The following CALN1 variants were observed in gnomAD, a reference collection of about 807,000 sequenced individuals.
CALN1 encodes calneuron 1, also known as calcium-binding protein 8.
CALN1 carries 17 observed loss-of-function variants against 30.6 expected under a neutral mutation model. The observed-to-expected ratio is 0.56, with a 90% CI of 0.38 to 0.83. CALN1 has a LOEUF of 0.83. Ranked by LOEUF, CALN1 falls within the 40% of genes least tolerant of loss-of-function variation. CALN1 has a pLI of 0.00. For missense variants in CALN1, 291 were observed against 354.9 expected, an observed-to-expected ratio of 0.82 and a Z score of 1.45; for synonymous variants, 156 against 131.4, an observed-to-expected ratio of 1.19 and a Z score of -1.28.
At chr7:72,188,030 T>C (rs1336915440) in intron 3 of CALN1, among the ~76,000 whole-genome samples, 1 of 152,164 alleles carries the variant, frequency 6.6e-6, no homozygotes, top group African/African-American at 2.4e-5. Context: ...GGTGGGAATG[T>C]AAACTAGGAC....
At chr7:72,269,931 T>C (rs570010139) in intron 3 of CALN1, among the ~76,000 whole-genome samples, 2 of 152,112 alleles carry the variant, frequency 1.3e-5, no homozygotes, top group Non-Finnish European at 2.9e-5. Context: ...GAAAAGTATA[T>C]TCAGAGAATT....
chr7:72,397,714 TCA>T (rs3138810), intron 2 of CALN1, among the ~76,000 whole-genome samples: 34,697 of 142,702 alleles, frequency 0.24, 4,566 homozygotes, highest in Middle Eastern at 0.36. Context: ...CCATTCTCTC[TCA>T]CACACACACA....
chr7:72,367,938 C>G (rs1803971642), intron 2 of CALN1, among the ~76,000 whole-genome samples: 2 of 151,982 alleles, frequency 1.3e-5, no homozygotes, highest in African/African-American at 4.8e-5. Context: ...TTGAGACCAT[C>G]CTGGCTAGCA....
At chr7:72,202,346 T>C (rs1280475958) in intron 3 of CALN1, among the ~76,000 whole-genome samples, 1 of 152,072 alleles carries the variant, frequency 6.6e-6, no homozygotes. Context: ...AATATAAATA[T>C]AATAAATTTT....
At chr7:71,824,765 A>G (rs904699818) in intron 5 of CALN1, among the ~76,000 whole-genome samples, 5 of 152,094 alleles carry the variant, frequency 3.3e-5, no homozygotes, top group African/African-American at 1.2e-4. Flanking sequence ...TGCAAAAGGC[A>G]TTTTCCTGCC....
chr7:72,281,306 A>C (rs1797722500), intron 2 of CALN1, among the ~76,000 whole-genome samples: 1 of 152,172 alleles, frequency 6.6e-6, no homozygotes, highest in African/African-American at 2.4e-5. Context: ...TATAAGAAAC[A>C]AATCTTGGCT....
intron 2 of CALN1, among the ~76,000 whole-genome samples, chr7:72,400,453 G>A (rs969036140): frequency 1.3e-5 from 2 of 152,182 alleles, no homozygotes; most frequent in South Asian, 2.1e-4. Flanking sequence ...CCTTGATGAT[G>A]AGCTAAATTT....
At chr7:71,980,783 T>C (rs1268150370) in intron 5 of CALN1, among the ~76,000 whole-genome samples, 2 of 151,706 alleles carry the variant, frequency 1.3e-5, no homozygotes, top group Non-Finnish European at 2.9e-5. Context: ...CCTGCTGACT[T>C]CGGGTACAGA....
intron 2 of CALN1, among the ~76,000 whole-genome samples, chr7:72,331,388 G>A (rs1801667163): frequency 6.6e-6 from 1 of 151,984 alleles, no homozygotes; most frequent in African/African-American, 2.4e-5. Flanking sequence ...AAAGGAGGAG[G>A]AAAACAGTCT....
At chr7:71,846,535 CGTGTGT>C (rs1189714238) in intron 5 of CALN1, among the ~76,000 whole-genome samples, 1 of 151,672 alleles carries the variant, frequency 6.6e-6, no homozygotes, top group Non-Finnish European at 1.5e-5. Context: ...TGTGCGCGTG[CGTGTGT>C]GTGTATAGAT....
intron 2 of CALN1, among the ~76,000 whole-genome samples, chr7:72,395,985 A>AT (rs1585653708): frequency 6.6e-6 from 1 of 152,170 alleles, no homozygotes; most frequent in East Asian, 1.9e-4. Flanking sequence ...GTTGAGCTAA[A>AT]TTTTGAACTG....
chr7:72,176,699 C>T (rs557974031), intron 3 of CALN1, among the ~76,000 whole-genome samples: 1 of 152,224 alleles, frequency 6.6e-6, no homozygotes, highest in Non-Finnish European at 1.5e-5. Flanking sequence ...AACTTCAGGC[C>T]TTTCTTCCTA....
At chr7:72,380,054 T>C (rs764687679) in intron 2 of CALN1, among the ~76,000 whole-genome samples, 23 of 152,190 alleles carry the variant, frequency 1.5e-4, no homozygotes, top group Non-Finnish European at 2.8e-4. Flanking sequence ...TACTGAAACA[T>C]AGTATGTGAA....
upstream of CALN1, among the ~76,000 whole-genome samples, chr7:72,416,670 G>A (rs1280990321): frequency 1.4e-5 from 2 of 144,310 alleles, no homozygotes; most frequent in East Asian, 2.2e-4. Flanking sequence ...GGGAGGCGGA[G>A]GTTGCAGTGA....
At chr7:72,210,259 C>G (rs1280940087) in intron 3 of CALN1, among the ~76,000 whole-genome samples, 1 of 152,080 alleles carries the variant, frequency 6.6e-6, no homozygotes, top group African/African-American at 2.4e-5. Context: ...TTCTTCCCCA[C>G]CCCACCCTAA....
rs558877316 is a variant in CALN1, at chr7:72,365,896, ACTT to A, written c.119+37352_119+37354del. ...CCCAGTTGGTTAAATTCTAAATTAT[ACTT>A]CATCATTTCAAGAAGGAAATTGGAC... On this transcript the variant is annotated intron_variant, in intron 2 of 6. Transcript: ENST00000395275. 1.3e-4 allele frequency among the ~76,000 whole-genome samples: 20 copies of A among 152,306 alleles called. No individual in the cohort carries two copies. In the South Asian group the frequency reaches 2.9e-3, roughly 22 times the overall value.
intron 1 of CALN1, among the ~76,000 whole-genome samples, 165 bp downstream of exon 1, chr7:72,411,893 T>C (rs977721544): frequency 1.3e-5 from 2 of 152,188 alleles, no homozygotes; most frequent in East Asian, 1.9e-4. Flanking sequence ...AACTCTCTTT[T>C]AGAGAGGTAT....
At chr7:72,494,163 C>T in the CALN1 span, among the ~76,000 whole-genome samples, 1 of 152,210 alleles carries the variant, frequency 6.6e-6, no homozygotes, top group Non-Finnish European at 1.5e-5. Context: ...GAACTCCAGC[C>T]TGGGCAACAG....
chr7:72,172,336 A>T (rs770291752), intron 3 of CALN1, among the ~76,000 whole-genome samples: 9 of 152,234 alleles, frequency 5.9e-5, no homozygotes, highest in Non-Finnish European at 1.2e-4. Context: ...TCTCAGTCAC[A>T]TTCAGACCAT....
Sources: gnomAD v4.1 joint callset for allele counts (sites outside exome capture counted in the v4.1 genomes callset) on GRCh38, gnomAD v4.1.1 for gene constraint, MANE v1.5 for transcripts, NCBI Gene and HGNC (gene_info 2026-07-23, HGNC 2026-07-21) for gene names.